The following IFT56 variants were observed in gnomAD, a reference collection of about 807,000 sequenced individuals.
IFT56 encodes the protein intraflagellar transport protein 56.
chr7:139,173,699 C>T, the IFT56 span: 66 of 770,962 alleles, frequency 8.6e-5, no homozygotes, highest in African/African-American at 6.5e-4. Flanking sequence ...ATGATGGTGA[C>T]GAGGCCTCTC....
At chr7:139,148,260 C>A in the IFT56 span, 1 of 1,613,894 alleles carries the variant, frequency 6.2e-7, no homozygotes. Flanking sequence ...AGTTGGATTA[C>A]TATGATGTGT....
the IFT56 span, chr7:139,134,804 A>G: frequency 1.2e-6 from 2 of 1,611,272 alleles, no homozygotes; most frequent in South Asian, 1.1e-5. Context: ...TAATGCCCAA[A>G]GAACGTTGCT....
At chr7:139,158,049 C>T in the IFT56 span, among the ~76,000 whole-genome samples, 4 of 152,208 alleles carry the variant, frequency 2.6e-5, no homozygotes, top group South Asian at 2.1e-4. Flanking sequence ...CACAGTGGCT[C>T]ATGCCTGTAA....
the IFT56 span, chr7:139,160,801 GTAA>G: frequency 3.8e-6 from 2 of 531,716 alleles, no homozygotes; most frequent in Non-Finnish European, 6.4e-6. Flanking sequence ...GAAAATGTGG[GTAA>G]TAATAATTAC....
the IFT56 span, among the ~76,000 whole-genome samples, chr7:139,141,220 C>T: frequency 6.7e-6 from 1 of 150,072 alleles, no homozygotes; most frequent in Non-Finnish European, 1.5e-5. Context: ...GAGATTGCGC[C>T]ACTGCACTCC....
chr7:139,148,743 G>A, the IFT56 span, among the ~76,000 whole-genome samples: 1 of 151,230 alleles, frequency 6.6e-6, no homozygotes, highest in African/African-American at 2.4e-5. Flanking sequence ...TAGCCAACAT[G>A]GCCCCATCTC....
At chr7:139,136,216 C>T in the IFT56 span, among the ~76,000 whole-genome samples, 3 of 152,070 alleles carry the variant, frequency 2.0e-5, no homozygotes, top group Non-Finnish European at 4.4e-5. Context: ...TGGGCCACCG[C>T]GCCCGGCCTA....
chr7:139,143,755 G>T, the IFT56 span, among the ~76,000 whole-genome samples: 2 of 151,970 alleles, frequency 1.3e-5, no homozygotes, highest in African/African-American at 4.8e-5. Context: ...TGTGGTCTGT[G>T]TTCCTTTTTC....
At chr7:139,189,314 T>TC in the IFT56 span, 8 of 1,572,284 alleles carry the variant, frequency 5.1e-6, no homozygotes, top group East Asian at 1.8e-4. Flanking sequence ...TCAAATCTTT[T>TC]CCTCAGAGAG....
the IFT56 span, among the ~76,000 whole-genome samples, chr7:139,158,768 C>A: frequency 2.0e-5 from 3 of 151,742 alleles, no homozygotes; most frequent in Non-Finnish European, 4.4e-5. Flanking sequence ...ACAAAAATTA[C>A]CCTGGTGTGG....
chr7:139,162,585 C>A, the IFT56 span, among the ~76,000 whole-genome samples: 1 of 151,974 alleles, frequency 6.6e-6, no homozygotes, highest in Non-Finnish European at 1.5e-5. Context: ...TCAAGTTCTA[C>A]CATGTACTAG....
At chr7:139,172,568 C>G in the IFT56 span, 1 of 555,648 alleles carries the variant, frequency 1.8e-6, no homozygotes, top group Non-Finnish European at 3.6e-6. Context: ...GGCAGCGACA[C>G]AAGCTGACTC....
the IFT56 span, among the ~76,000 whole-genome samples, chr7:139,187,843 A>G: frequency 6.6e-6 from 1 of 151,868 alleles, no homozygotes; most frequent in Non-Finnish European, 1.5e-5. Flanking sequence ...CCAAATGAAC[A>G]GCCATTTTTA....
chr7:139,156,519 A>G, the IFT56 span, among the ~76,000 whole-genome samples: 4 of 152,018 alleles, frequency 2.6e-5, no homozygotes, highest in South Asian at 2.1e-4. Flanking sequence ...GTTATATTGT[A>G]TCTTTCATTT....
chr7:139,173,616 C>T, the IFT56 span: 2 of 810,376 alleles, frequency 2.5e-6, no homozygotes, highest in Non-Finnish European at 4.4e-6. Flanking sequence ...AATCCATCCA[C>T]CATCTCCTTA....
chr7:139,173,710 A>G, the IFT56 span: 1 of 770,836 alleles, frequency 1.3e-6, no homozygotes, highest in Non-Finnish European at 2.4e-6. Flanking sequence ...GAGGCCTCTC[A>G]TTGGCTGAAA....
the IFT56 span, among the ~76,000 whole-genome samples, chr7:139,188,311 G>C: frequency 1.3e-5 from 2 of 151,948 alleles, no homozygotes; most frequent in African/African-American, 4.8e-5. Context: ...ATGTTGGCCA[G>C]GCTGGTCTCA....
chr7:139,148,117 T>C, the IFT56 span: 1 of 1,223,566 alleles, frequency 8.2e-7, no homozygotes, highest in Non-Finnish European at 1.2e-6. Context: ...TCATGAACTG[T>C]CCTCTTTGCC....
chr7:139,182,018 G>C, the IFT56 span, among the ~76,000 whole-genome samples: 1 of 151,552 alleles, frequency 6.6e-6, no homozygotes, highest in Non-Finnish European at 1.5e-5. Context: ...AAAGACAAAG[G>C]AACCAGAAAA....
Sources: allele counts gnomAD v4.1 joint callset (sites outside exome capture counted in the v4.1 genomes callset), GRCh38; gene constraint gnomAD v4.1.1; transcripts MANE v1.5; gene names NCBI Gene and HGNC (gene_info 2026-07-23, HGNC 2026-07-21).